BAIAP2: variants seen among roughly 807,000 people sequenced by gnomAD.
BAIAP2 encodes BAR/IMD domain containing adaptor protein 2, also known as BAR/IMD domain-containing adapter protein 2.
Under a neutral mutation model 63.0 loss-of-function variants are expected in BAIAP2, and 18 were observed. That is an observed-to-expected ratio of 0.29 (90% confidence interval 0.20 to 0.42). The LOEUF is 0.42. Among genes scored for constraint, BAIAP2 ranks in the 10% least tolerant of loss-of-function variants. The probability of loss-of-function intolerance (pLI) is 1.00; values close to 1 mark genes in which losing one functional copy is unlikely to be tolerated. For missense variants in BAIAP2, 610 were observed against 734.3 expected (o/e 0.83, Z 1.96); for synonymous variants, 386 against 307.6 (o/e 1.25, Z -2.67).
chr17:81,098,022 C>T, intron 6 of BAIAP2: 1 of 1,034,756 alleles, frequency 9.7e-7, no homozygotes, highest in Non-Finnish European at 1.2e-6. Flanking sequence ...GTCAGCTGTG[C>T]CATAGGGCTG....
rs565120431 is a variant in BAIAP2, at chr17:81,058,058, T to C, written c.217+91T>C. 7 of 1,045,008 alleles carry C rather than the reference T, an allele frequency of 6.7e-6. No individual in the cohort carries two copies. The African/African-American group carries it at 1.0e-4, about 15-fold the overall frequency. The allele number at this position is 1,045,008 out of a possible 1,614,324, so 64.7% of individuals were successfully genotyped here. On this transcript the variant is annotated intron_variant, in intron 3 of 13. Coordinates refer to ENST00000428708, the MANE Select transcript of BAIAP2 (RefSeq NM_001144888.2). Reference sequence around the variant, plus strand: ...TCCTGTGTCCAGCCGCTTTTTGATTTGGGATCAGGTTTTGCCTGTCAAATA... The same window carrying C: ...TCCTGTGTCCAGCCGCTTTTTGATTCGGGATCAGGTTTTGCCTGTCAAATA...
intron 6 of BAIAP2, among the ~76,000 whole-genome samples, chr17:81,092,033 G>T (rs966830395): frequency 6.6e-6 from 1 of 152,256 alleles, no homozygotes; most frequent in Admixed American, 6.5e-5. Context: ...GGGAGGTGGT[G>T]GCTGGTGCCT....
At chr17:81,085,902 A>G (rs539263632) in intron 5 of BAIAP2, among the ~76,000 whole-genome samples, 177 bp downstream of exon 5, 86 of 152,318 alleles carry the variant, frequency 5.6e-4, no homozygotes, top group African/African-American at 2.0e-3. Context: ...TGTGCCCCAA[A>G]TGCAACCTGT....
At chr17:81,092,757 C>T (rs1389772471) in intron 6 of BAIAP2, among the ~76,000 whole-genome samples, 1 of 152,142 alleles carries the variant, frequency 6.6e-6, no homozygotes, top group Admixed American at 6.5e-5. Flanking sequence ...GCCACATTTG[C>T]TGGGCCAGGT....
At chr17:81,060,497 C>T (rs866364762) in intron 3 of BAIAP2, among the ~76,000 whole-genome samples, 12 of 152,172 alleles carry the variant, frequency 7.9e-5, no homozygotes, top group African/African-American at 2.9e-4. Context: ...GTTTACCGTC[C>T]CTCTGTGCTA....
chr17:81,076,035 G>A (rs2053609848), intron 3 of BAIAP2, among the ~76,000 whole-genome samples: 1 of 152,004 alleles, frequency 6.6e-6, no homozygotes. Context: ...TAATCCTGAG[G>A]TTTGGTAGAA....
At chr17:81,038,489 C>T (rs1465869708) in intron 1 of BAIAP2, among the ~76,000 whole-genome samples, 2 of 152,246 alleles carry the variant, frequency 1.3e-5, no homozygotes, top group African/African-American at 2.4e-5. Flanking sequence ...GGAGGAGTCC[C>T]TGTTGCAGAC....
At chr17:81,085,471 C>T (rs1370740497) in intron 4 of BAIAP2, 183 bp from the exon 5 acceptor site, 1 of 700,644 alleles carries the variant, frequency 1.4e-6, no homozygotes, top group African/African-American at 1.7e-5. Context: ...AGCACTCGCT[C>T]CTGGCTCCAG....
chr17:81,102,024 G>C (rs2058559038), intron 7 of BAIAP2, among the ~76,000 whole-genome samples: 1 of 152,234 alleles, frequency 6.6e-6, no homozygotes, highest in South Asian at 2.1e-4. Flanking sequence ...ATGGAGGGCG[G>C]GGAAGCCAGG....
intron 2 of BAIAP2, among the ~76,000 whole-genome samples, chr17:81,056,116 A>G (rs1483824778): frequency 6.6e-6 from 1 of 152,110 alleles, no homozygotes; most frequent in East Asian, 1.9e-4. Context: ...TTGACGCTGG[A>G]GAGAGGCTCC....
chr17:81,057,025 C>G (rs983682581), intron 2 of BAIAP2, among the ~76,000 whole-genome samples: 1 of 152,262 alleles, frequency 6.6e-6, no homozygotes, highest in Admixed American at 6.5e-5. Flanking sequence ...ACAAATTGTG[C>G]GCTTAATTGA....
intron 3 of BAIAP2, among the ~76,000 whole-genome samples, chr17:81,073,437 G>A (rs950989290): frequency 4.6e-5 from 7 of 152,168 alleles, no homozygotes; most frequent in Non-Finnish European, 8.8e-5. Context: ...AGCTGGTCTC[G>A]GGCCGTGCTT....
At chr17:81,111,785 C>T (rs1178133293) in intron 13 of BAIAP2, among the ~76,000 whole-genome samples, 2 of 152,254 alleles carry the variant, frequency 1.3e-5, no homozygotes, top group African/African-American at 4.8e-5. Context: ...CCACACCTTC[C>T]AATCGCCTAC....
At chr17:81,058,659 G>A (rs1330047234) in intron 3 of BAIAP2, among the ~76,000 whole-genome samples, 2 of 152,226 alleles carry the variant, frequency 1.3e-5, no homozygotes, top group African/African-American at 2.4e-5. Flanking sequence ...CCGGCAGAGC[G>A]GCCCTTGACG....
intron 10 of BAIAP2, chr17:81,105,577 GC>G (rs1203394615): frequency 6.3e-6 from 1 of 157,788 alleles, no homozygotes; most frequent in Non-Finnish European, 1.4e-5. Context: ...GGACCTGGGG[GC>G]TGCATTCCCA....
At chr17:81,089,834 C>T (rs1247624906) in intron 6 of BAIAP2, among the ~76,000 whole-genome samples, 3 of 152,138 alleles carry the variant, frequency 2.0e-5, no homozygotes, top group Non-Finnish European at 4.4e-5. Context: ...GGCCCCGAAG[C>T]GCATGGTAGG....
chr17:81,103,440 G>A, intron 7 of BAIAP2, 62 bp from the exon 8 acceptor site: 4 of 1,474,886 alleles, frequency 2.7e-6, no homozygotes, highest in Non-Finnish European at 3.7e-6. Context: ...CCTCAGCGCT[G>A]TGCCTGGCTG....
chr17:81,067,568 G>A (rs1402216293), intron 3 of BAIAP2, among the ~76,000 whole-genome samples: 1 of 128,644 alleles, frequency 7.8e-6, no homozygotes, highest in African/African-American at 2.6e-5. Context: ...TGGGCCCCTG[G>A]TCTGGCTGCT....
chr17:81,035,182 C>G lies in BAIAP2; in HGVS notation c.-73C>G, dbSNP rs1256974462. 3.9e-5 allele frequency: 50 copies of G among 1,290,838 alleles called. No homozygotes were observed. The highest frequency in any genetic ancestry group is 7.7e-5 in the Admixed American group (3 of 39,178). The allele number at this position is 1,290,838 out of a possible 1,614,324, so 80.0% of individuals were successfully genotyped here. The stretch of plus-strand genomic sequence containing the variant: ...CGGGTCCGCTTTCGTCTCCGTCCTG[C>G]TGCCGTTACCGCCGCTGCTGCCGCC... On this transcript the variant is annotated 5_prime_UTR_variant, in exon 1 of 14. Coordinates refer to ENST00000428708, the MANE Select transcript of BAIAP2 (RefSeq NM_001144888.2).
Sources: gnomAD v4.1 joint callset for allele counts (sites outside exome capture counted in the v4.1 genomes callset) on GRCh38, gnomAD v4.1.1 for gene constraint, MANE v1.5 for transcripts, NCBI Gene and HGNC (gene_info 2026-07-23, HGNC 2026-07-21) for gene names.